The following SEMA3E variants were observed in gnomAD, a reference collection of about 807,000 sequenced individuals.
SEMA3E encodes the protein semaphorin 3E.
SEMA3E carries 49 observed loss-of-function variants against 93.6 expected under a neutral mutation model. The observed-to-expected ratio is 0.52, with a 90% CI of 0.42 to 0.66. The LOEUF (loss-of-function observed/expected upper bound fraction) is 0.66, where lower values mean the gene tolerates loss of function less well. Among genes scored for constraint, SEMA3E ranks in the 30% least tolerant of loss-of-function variants. SEMA3E has a pLI of 0.00. For missense variants in SEMA3E, 906 were observed against 964.8 expected, an observed-to-expected ratio of 0.94 and a Z score of 0.81; for synonymous variants, 363 against 330.7, an observed-to-expected ratio of 1.10 and a Z score of -1.06.
intron 1 of SEMA3E, among the ~76,000 whole-genome samples, chr7:83,537,944 T>C (rs75931180): frequency 0.13 from 19,821 of 152,090 alleles, 1,972 homozygotes; most frequent in African/African-American, 0.28. Context: ...AATTTCCTTA[T>C]TCTGGAATTT....
chr7:83,629,511 G>C (rs1215692199), intron 1 of SEMA3E, among the ~76,000 whole-genome samples: 1 of 152,174 alleles, frequency 6.6e-6, no homozygotes, highest in East Asian at 1.9e-4. Context: ...AATCTAGAGA[G>C]GCAGTCTGGC....
At chr7:83,628,664 A>G (rs1443319664) in intron 1 of SEMA3E, among the ~76,000 whole-genome samples, 2 of 151,762 alleles carry the variant, frequency 1.3e-5, no homozygotes, top group Non-Finnish European at 2.9e-5. Flanking sequence ...TAAACTGGTT[A>G]TTCTAGTTAG....
intron 1 of SEMA3E, among the ~76,000 whole-genome samples, chr7:83,527,012 G>GGT (rs1484172785): frequency 2.0e-5 from 3 of 151,974 alleles, no homozygotes; most frequent in African/African-American, 7.3e-5. Flanking sequence ...GGTAATATGA[G>GGT]GTCATACTGG....
At chr7:83,566,138 C>T (rs1393703001) in intron 1 of SEMA3E, among the ~76,000 whole-genome samples, 2 of 150,742 alleles carry the variant, frequency 1.3e-5, no homozygotes, top group African/African-American at 2.4e-5. Context: ...GCTGTGACTA[C>T]AGGCGGCCGT....
In SEMA3E at chr7:83,443,726, A is replaced by G. The variant is rs186971895; in HGVS notation, c.456+22756T>C. Among the ~76,000 whole-genome samples, 239 of 152,220 alleles carry G rather than the reference A, an allele frequency of 1.6e-3. 1 individual carries two copies. Among genetic ancestry groups the G allele is most frequent in the African/African-American group, 4.3e-3 (179 of 41,558 alleles). Reference sequence around the variant, plus strand: ...TTCAATATTGATTTTAAAAATTCAAAAAAAATTTAAAGAGTATTCAAATAT... The same window carrying G: ...TTCAATATTGATTTTAAAAATTCAAGAAAAATTTAAAGAGTATTCAAATAT... On this transcript the variant is annotated intron_variant, in intron 4 of 16. Coordinates refer to ENST00000643230, the MANE Select transcript of SEMA3E (RefSeq NM_012431.3).
intron 2 of SEMA3E, among the ~76,000 whole-genome samples, chr7:83,479,596 C>G (rs1790099848): frequency 6.6e-6 from 1 of 152,128 alleles, no homozygotes. Flanking sequence ...TTACTATGTT[C>G]CAGGCACTGT....
chr7:83,471,036 T>C (rs995161663), intron 2 of SEMA3E, among the ~76,000 whole-genome samples: 1 of 151,886 alleles, frequency 6.6e-6, no homozygotes, highest in Non-Finnish European at 1.5e-5. Context: ...TTTCAATACA[T>C]CATTAGTTCT....
intron 4 of SEMA3E, among the ~76,000 whole-genome samples, chr7:83,432,734 A>G (rs2709949): frequency 0.73 from 110,895 of 152,066 alleles, 41,085 homozygotes; most frequent in East Asian, 1. Context: ...TTCAAAGAGA[A>G]CTTGATCATT....
chr7:83,457,337 C>A lies in SEMA3E; in HGVS notation c.456+9145G>T, dbSNP rs534255446. Among the ~76,000 whole-genome samples the A allele has an allele frequency of 2.5e-3, 377 of 152,238 alleles. 1 individual carries two copies. The highest frequency in any genetic ancestry group is 3.5e-3 in the Non-Finnish European group (237 of 68,020). On this transcript the variant is annotated intron_variant, in intron 4 of 16. Coordinates refer to ENST00000643230, the MANE Select transcript of SEMA3E (RefSeq NM_012431.3). ...TCTCCTAGCTCCAGATTCATTCTTT[C>A]AAATAACCATAAGTGAAAATGAAAA...
chr7:83,593,759 G>T (rs953725565), intron 1 of SEMA3E, among the ~76,000 whole-genome samples: 5 of 151,822 alleles, frequency 3.3e-5, no homozygotes, highest in African/African-American at 1.2e-4. Flanking sequence ...AAGATGCCCG[G>T]GTCTAGAGAT....
chr7:83,406,965 A>G (rs1256755820), intron 7 of SEMA3E, 132 bp downstream of exon 7: 1 of 1,020,522 alleles, frequency 9.8e-7, no homozygotes, highest in African/African-American at 1.6e-5. Flanking sequence ...AGAGGTTGGT[A>G]TAGTAAATAT....
intron 16 of SEMA3E, 113 bp from the exon 17 acceptor site, chr7:83,368,151 A>G (rs1794700652): frequency 1.1e-6 from 1 of 905,672 alleles, no homozygotes; most frequent in Admixed American, 2.0e-5. Context: ...CACATAATGA[A>G]ACCCTGAAAA....
intron 2 of SEMA3E, among the ~76,000 whole-genome samples, chr7:83,487,061 C>G (rs1388446145): frequency 6.6e-6 from 1 of 152,032 alleles, no homozygotes; most frequent in African/African-American, 2.4e-5. Context: ...GTCTCCTACC[C>G]TTATATAGTT....
At chr7:83,488,654 G>A (rs1790317524) in intron 2 of SEMA3E, among the ~76,000 whole-genome samples, 1 of 152,114 alleles carries the variant, frequency 6.6e-6, no homozygotes, top group Non-Finnish European at 1.5e-5. Flanking sequence ...AGCTAGGAGA[G>A]GATATGCTTC....
chr7:83,556,314 C>T (rs1427296481), intron 1 of SEMA3E, among the ~76,000 whole-genome samples: 1 of 152,054 alleles, frequency 6.6e-6, no homozygotes, highest in East Asian at 1.9e-4. Flanking sequence ...TACATATGTC[C>T]ATGCAAATAA....
intron 1 of SEMA3E, among the ~76,000 whole-genome samples, chr7:83,582,206 A>T (rs951834500): frequency 8.6e-5 from 13 of 150,772 alleles, no homozygotes; most frequent in African/African-American, 3.1e-4. Flanking sequence ...ATAAAATTAC[A>T]TTAAAACAAA....
Position 83,636,199 on chromosome 7 carries a change from A to AT in SEMA3E, c.115+12228dup, listed in dbSNP as rs1793879310. Among the ~76,000 whole-genome samples, 3 of 152,232 alleles carry AT rather than the reference A, an allele frequency of 2.0e-5. No homozygotes were observed. The South Asian group carries it at 6.2e-4, about 32-fold the overall frequency. Reference sequence around the variant, plus strand: ...CTATATCTTTTAATAATTTACAGATATTTTCTGAATAATTTTAAAGCAGTC... The same window carrying AT: ...CTATATCTTTTAATAATTTACAGATATTTTTCTGAATAATTTTAAAGCAGTC... On this transcript the variant is annotated intron_variant, in intron 1 of 16. Coordinates refer to ENST00000643230, the MANE Select transcript of SEMA3E (RefSeq NM_012431.3).
intron 2 of SEMA3E, among the ~76,000 whole-genome samples, chr7:83,472,722 T>A (rs888053015): frequency 1.3e-5 from 2 of 152,226 alleles, no homozygotes; most frequent in African/African-American, 4.8e-5. Flanking sequence ...ATGATATGGT[T>A]AGGCTATGTG....
At chr7:83,430,348 C>T (rs1217991261) in intron 4 of SEMA3E, among the ~76,000 whole-genome samples, 1 of 151,912 alleles carries the variant, frequency 6.6e-6, no homozygotes, top group African/African-American at 2.4e-5. Flanking sequence ...ACCTGTAATG[C>T]CAGCTACTCA....
Sources: gnomAD v4.1 joint callset for allele counts (sites outside exome capture counted in the v4.1 genomes callset) on GRCh38, gnomAD v4.1.1 for gene constraint, MANE v1.5 for transcripts, NCBI Gene and HGNC (gene_info 2026-07-23, HGNC 2026-07-21) for gene names.